The following DSCAM variants were observed in gnomAD, a reference collection of about 807,000 sequenced individuals.
The protein encoded by DSCAM is DS cell adhesion molecule, also known as cell adhesion molecule DSCAM.
A neutral mutation model predicts 217.7 loss-of-function variants in DSCAM; 47 were observed. That is an observed-to-expected ratio of 0.22 (90% CI 0.17 to 0.28). The LOEUF is 0.28. Ranked by LOEUF, DSCAM falls within the 10% of genes least tolerant of loss-of-function variation. DSCAM has a pLI of 1.00. For synonymous variants in DSCAM, 1,056 were observed against 1,015.3 expected (o/e 1.04, Z -0.76); for missense variants, 2,080 against 2,618.3 (o/e 0.79, Z 4.49).
chr21:40,574,281 C>T (rs1455423786), intron 3 of DSCAM, among the ~76,000 whole-genome samples: 1 of 152,064 alleles, frequency 6.6e-6, no homozygotes, highest in Non-Finnish European at 1.5e-5. Flanking sequence ...CAGGTCATGA[C>T]CATGTCAAGT....
chr21:40,365,982 T>C (rs2837579), intron 4 of DSCAM, among the ~76,000 whole-genome samples: 11,364 of 152,158 alleles, frequency 0.075, 889 homozygotes, highest in African/African-American at 0.2. Context: ...ACATTTACTG[T>C]TCTTTTGGTC....
At chr21:40,557,799 A>G (rs2083807904) in intron 3 of DSCAM, among the ~76,000 whole-genome samples, 1 of 152,172 alleles carries the variant, frequency 6.6e-6, no homozygotes, top group African/African-American at 2.4e-5. Flanking sequence ...TTAATTTGTC[A>G]GCCTCCAGTA....
chr21:40,140,934 C>CG lies in DSCAM; in HGVS notation c.3406+1623dup, dbSNP rs34586498. Among the ~76,000 whole-genome samples the CG allele has an allele frequency of 4.8e-3, 721 of 149,314 alleles. 8 individuals are homozygous for CG. Among genetic ancestry groups the CG allele is most frequent in the African/African-American group, 0.015 (583 of 39,692 alleles). On this transcript the variant is annotated intron_variant, in intron 18 of 32. Coordinates refer to ENST00000400454, the MANE Select transcript of DSCAM (RefSeq NM_001389.5). ...GTGTCTACTGCAGGACCAAGGAGGG[C>CG]GGGGGGGGGTCCTTCTAGATTGCCT...
chr21:40,354,897 GTTTAAC>G (rs1287345259), intron 4 of DSCAM, among the ~76,000 whole-genome samples: 1 of 149,898 alleles, frequency 6.7e-6, no homozygotes, highest in Non-Finnish European at 1.5e-5. Context: ...AGAAATAGCT[GTTTAAC>G]TTTAGTAAAA....
intron 3 of DSCAM, among the ~76,000 whole-genome samples, chr21:40,555,054 A>T (rs1404777076): frequency 1.3e-5 from 2 of 152,244 alleles, no homozygotes; most frequent in Non-Finnish European, 2.9e-5. Flanking sequence ...GAATGAAATG[A>T]TGCATATTTT....
At chr21:40,029,970 C>T (rs917551707) in intron 32 of DSCAM, among the ~76,000 whole-genome samples, 2 of 152,238 alleles carry the variant, frequency 1.3e-5, no homozygotes, top group Non-Finnish European at 2.9e-5. Flanking sequence ...CTTTCAAATG[C>T]AAGTCTCTTT....
intron 16 of DSCAM, among the ~76,000 whole-genome samples, chr21:40,148,293 T>C (rs951962151): frequency 1.3e-5 from 2 of 152,144 alleles, no homozygotes; most frequent in African/African-American, 4.8e-5. Flanking sequence ...AGGGAACATA[T>C]ACTTTCAGTT....
intron 20 of DSCAM, among the ~76,000 whole-genome samples, chr21:40,108,238 G>A (rs930706540): frequency 6.6e-6 from 1 of 152,142 alleles, no homozygotes; most frequent in African/African-American, 2.4e-5. Context: ...ATTTGTAGAT[G>A]GCATGATTCC....
chr21:40,461,511 C>G (rs140026976), intron 3 of DSCAM, among the ~76,000 whole-genome samples: 2 of 152,170 alleles, frequency 1.3e-5, no homozygotes, highest in Admixed American at 1.3e-4. Context: ...AGAGGCAGAG[C>G]TGGTTTCACA....
rs78936609 is a variant in DSCAM at position 40,639,117 on chromosome 21, G to A, written c.508+53693C>T. Among the ~76,000 whole-genome samples the A allele has an allele frequency of 7.3e-3, 1,078 of 148,072 alleles. 15 individuals carry two copies. The highest frequency in any genetic ancestry group is 0.026 in the African/African-American group (1,025 of 39,812). On this transcript the variant is annotated intron_variant, in intron 3 of 32. Transcript: ENST00000400454. ...AGCAGCCTCTGTGTCCCTCACACTC[G>A]TCCATTTTGGTCCATTTTGGTCCAT... is the stretch of plus-strand genomic sequence containing the variant.
At chr21:40,571,193 GA>G (rs530242923) in intron 3 of DSCAM, among the ~76,000 whole-genome samples, 1 of 150,410 alleles carries the variant, frequency 6.6e-6, no homozygotes, top group Non-Finnish European at 1.5e-5. Context: ...CCTCACAATG[GA>G]AAAAAAATTC....
At chr21:40,434,005 G>A (rs141553067) in intron 3 of DSCAM, among the ~76,000 whole-genome samples, 40 of 152,330 alleles carry the variant, frequency 2.6e-4, no homozygotes, top group South Asian at 1.0e-3. Context: ...ACCTGGGAAG[G>A]GCCAGTGACT....
At chr21:40,707,314 T>C (rs1299822079) in intron 2 of DSCAM, among the ~76,000 whole-genome samples, 2 of 152,228 alleles carry the variant, frequency 1.3e-5, no homozygotes, top group Non-Finnish European at 2.9e-5. Flanking sequence ...ACAAATTGCA[T>C]TGTAATTATT....
chr21:40,744,295 G>A (rs924940533), intron 1 of DSCAM, among the ~76,000 whole-genome samples: 6 of 152,114 alleles, frequency 3.9e-5, no homozygotes, highest in African/African-American at 1.4e-4. Flanking sequence ...TGGAATCTTG[G>A]AGCTCCAATC....
chr21:40,702,156 C>T (rs2146469387), intron 2 of DSCAM, among the ~76,000 whole-genome samples: 1 of 152,204 alleles, frequency 6.6e-6, no homozygotes, highest in South Asian at 2.1e-4. Context: ...CTCTTCACCT[C>T]CCCCCTTTAC....
rs2090534560 is a variant in DSCAM, at chr21:40,160,965, G to T, written c.3018+6253C>A. ...CCTGTCAAGGCCACTCTGCTGGAGA[G>T]GTACAGCTTTTTCAGTGGGGTTTGA... On this transcript the variant is annotated intron_variant, in intron 16 of 32. Transcript: ENST00000400454. Among the ~76,000 whole-genome samples, 4 of 152,314 alleles carry T rather than the reference G, an allele frequency of 2.6e-5. No individual in the cohort carries two copies. The South Asian group carries it at 8.3e-4, about 32-fold the overall frequency.
chr21:40,697,716 T>C (rs148095633), intron 2 of DSCAM, among the ~76,000 whole-genome samples: 1,627 of 152,360 alleles, frequency 0.011, 15 homozygotes, highest in Middle Eastern at 0.027. Context: ...GTCAGTACTA[T>C]GCTATAGTAT....
chr21:40,258,031 C>T (rs966746883), intron 11 of DSCAM, among the ~76,000 whole-genome samples: 13 of 152,174 alleles, frequency 8.5e-5, no homozygotes, highest in African/African-American at 3.1e-4. Context: ...TTGTGAAGTG[C>T]TTTCTGACTG....
intron 9 of DSCAM, among the ~76,000 whole-genome samples, chr21:40,300,358 T>C (rs2074001447): frequency 6.6e-6 from 1 of 152,204 alleles, no homozygotes; most frequent in African/African-American, 2.4e-5. Context: ...GTGCTGATGA[T>C]TATTTCTTGA....
Sources: gnomAD v4.1 joint callset for allele counts (sites outside exome capture counted in the v4.1 genomes callset) on GRCh38, gnomAD v4.1.1 for gene constraint, MANE v1.5 for transcripts, NCBI Gene and HGNC (gene_info 2026-07-23, HGNC 2026-07-21) for gene names.